CHODL: variants seen among roughly 807,000 people sequenced by gnomAD.
CHODL encodes the protein chondrolectin.
Under a neutral mutation model 34.5 loss-of-function variants are expected in CHODL, and 29 were observed. That is an observed-to-expected ratio of 0.84 (90% CI 0.63 to 1.15). The LOEUF (loss-of-function observed/expected upper bound fraction) is 1.15, where lower values mean the gene tolerates loss of function less well. Among genes scored for constraint, CHODL ranks in the 50% most tolerant of loss-of-function variants. The pLI is 0.00. For synonymous variants in CHODL, 125 were observed against 116.1 expected (o/e 1.08, Z -0.49); for missense variants, 332 against 332.5 (o/e 1.00, Z 0.01).
intron 2 of CHODL, among the ~76,000 whole-genome samples, chr21:18,138,202 C>A (rs2072757297): frequency 6.6e-6 from 1 of 151,218 alleles, no homozygotes; most frequent in Admixed American, 6.6e-5. Context: ...ACTCTATTTT[C>A]CACTGTAAAA....
intron 2 of CHODL, among the ~76,000 whole-genome samples, chr21:18,150,523 C>G (rs1333624708): frequency 6.6e-6 from 1 of 152,090 alleles, no homozygotes; most frequent in African/African-American, 2.4e-5. Context: ...GCTGATGGGC[C>G]TTTTCCGGGT....
chr21:18,206,752 G>C (rs1250945507), intron 2 of CHODL, among the ~76,000 whole-genome samples: 1 of 148,498 alleles, frequency 6.7e-6, no homozygotes, highest in Non-Finnish European at 1.5e-5. Context: ...TTTTAGTAAA[G>C]GTGTTTTTCT....
At chr21:18,066,719 T>C (rs1226891501) in intron 2 of CHODL, among the ~76,000 whole-genome samples, 1 of 152,180 alleles carries the variant, frequency 6.6e-6, no homozygotes, top group Admixed American at 6.5e-5. Flanking sequence ...CGAATGTGAC[T>C]TTATTTAGAG....
chr21:18,095,342 G>T (rs1239490490), intron 2 of CHODL, among the ~76,000 whole-genome samples: 1 of 151,808 alleles, frequency 6.6e-6, no homozygotes, highest in Non-Finnish European at 1.5e-5. Context: ...TGATACCACA[G>T]AAATTCAAAG....
chr21:18,265,846 G>T, intron 5 of CHODL, 108 bp from the exon 6 acceptor site: 1 of 776,376 alleles, frequency 1.3e-6, no homozygotes, highest in South Asian at 1.9e-5. Flanking sequence ...ACTGCTGAGA[G>T]GGGGAGTCTT....
Position 18,008,077 on chromosome 21 carries a change from A to G in CHODL, c.-144-19795A>G, listed in dbSNP as rs866371029. Among the ~76,000 whole-genome samples the G allele has an allele frequency of 2.9e-4, 44 of 152,310 alleles. 2 individuals carry two copies. In the South Asian group the frequency reaches 3.5e-3, roughly 12 times the overall value. On this transcript the variant is annotated intron_variant, in intron 1 of 6. Coordinates refer to the CHODL transcript ENST00000400127. ...TAGTGAAAGATGCTTTGCTAGAAGT[A>G]AAATGTGTTAAGTTGAAAAACATTT...
At chr21:18,021,919 T>G (rs756411033) in intron 1 of CHODL, among the ~76,000 whole-genome samples, 1 of 152,160 alleles carries the variant, frequency 6.6e-6, no homozygotes, top group Non-Finnish European at 1.5e-5. Flanking sequence ...AATTCATATG[T>G]TGAAAAGGTA....
chr21:17,958,076 T>C (rs528426652), intron 1 of CHODL, among the ~76,000 whole-genome samples: 50 of 152,170 alleles, frequency 3.3e-4, no homozygotes, highest in Non-Finnish European at 5.6e-4. Flanking sequence ...TTCTTACGCC[T>C]AACCAAGCCC....
upstream of CHODL, among the ~76,000 whole-genome samples, chr21:18,241,996 C>CT (rs796754504): frequency 6.6e-3 from 941 of 142,484 alleles, 5 homozygotes; most frequent in African/African-American, 0.016. Flanking sequence ...TCATTTGAGT[C>CT]TTTTTTTTTT....
chr21:18,018,766 A>T (rs1296228417), intron 1 of CHODL, among the ~76,000 whole-genome samples: 1 of 152,210 alleles, frequency 6.6e-6, no homozygotes, highest in Non-Finnish European at 1.5e-5. Flanking sequence ...GTAATGGGAA[A>T]AGCCCCAATT....
At chr21:17,929,221 C>G (rs1053414037) in intron 1 of CHODL, among the ~76,000 whole-genome samples, 7 of 152,148 alleles carry the variant, frequency 4.6e-5, no homozygotes, top group African/African-American at 1.7e-4. Flanking sequence ...ATGTCTTTGG[C>G]TAGTTGCTAT....
intron 1 of CHODL, among the ~76,000 whole-genome samples, chr21:17,979,579 C>T (rs2063697601): frequency 6.6e-6 from 1 of 152,098 alleles, no homozygotes; most frequent in African/African-American, 2.4e-5. Context: ...ATTTGGATTA[C>T]TGTAGTGATT....
At chr21:17,989,985 C>T (rs1023291796) in intron 1 of CHODL, among the ~76,000 whole-genome samples, 1 of 152,012 alleles carries the variant, frequency 6.6e-6, no homozygotes, top group African/African-American at 2.4e-5. Flanking sequence ...TTTCACAAGA[C>T]CTTTGTCTCC....
chr21:18,135,115 CTA>C (rs1397873415), intron 2 of CHODL, among the ~76,000 whole-genome samples: 1 of 152,184 alleles, frequency 6.6e-6, no homozygotes, highest in Non-Finnish European at 1.5e-5. Context: ...ATGGCACTCT[CTA>C]TCTCTCTTTC....
intron 1 of CHODL, among the ~76,000 whole-genome samples, chr21:17,983,926 G>T (rs158011): frequency 0.65 from 98,828 of 151,298 alleles, 32,875 homozygotes; most frequent in Middle Eastern, 0.78. Context: ...GGGGGTGGGG[G>T]CAAGAACACT....
intron 1 of CHODL, among the ~76,000 whole-genome samples, chr21:18,254,584 C>T (rs2074294056): frequency 6.6e-6 from 1 of 152,030 alleles, no homozygotes; most frequent in African/African-American, 2.4e-5. Context: ...TATAATCTTG[C>T]CATACATTCT....
chr21:18,143,649 T>C (rs2072830156), intron 2 of CHODL, among the ~76,000 whole-genome samples: 1 of 152,070 alleles, frequency 6.6e-6, no homozygotes, highest in Admixed American at 6.6e-5. Context: ...TAGCTCCTAG[T>C]CCCTAGTGTT....
intron 2 of CHODL, among the ~76,000 whole-genome samples, chr21:18,057,399 G>C (rs2064596631): frequency 1.3e-5 from 2 of 151,838 alleles, no homozygotes; most frequent in African/African-American, 4.8e-5. Context: ...TGTACATACA[G>C]AGAGTTCCCG....
intron 2 of CHODL, among the ~76,000 whole-genome samples, chr21:18,202,031 T>A (rs539713313): frequency 3.3e-5 from 5 of 152,092 alleles, no homozygotes; most frequent in Non-Finnish European, 5.9e-5. Context: ...GATCTCAATC[T>A]CCTGACCTCG....
Sources: gnomAD v4.1 joint callset for allele counts (sites outside exome capture counted in the v4.1 genomes callset) on GRCh38, gnomAD v4.1.1 for gene constraint, MANE v1.5 for transcripts, NCBI Gene and HGNC (gene_info 2026-07-23, HGNC 2026-07-21) for gene names.